Variants in APBB2 observed in about 807,000 individuals in gnomAD.
The protein encoded by APBB2 is amyloid beta precursor protein binding family B member 2, also known as Fe65-like 1.
In APBB2, 38 loss-of-function variants were observed where a neutral mutation model predicts 82.5. The observed-to-expected ratio is 0.46, with a 90% CI of 0.36 to 0.60. APBB2 has a LOEUF of 0.60. Among genes scored for constraint, APBB2 ranks in the 20% least tolerant of loss-of-function variants. APBB2 has a pLI of 0.00. For missense variants in APBB2, 772 were observed against 972.3 expected, an observed-to-expected ratio of 0.79 and a Z score of 2.74; for synonymous variants, 341 against 368.2, an observed-to-expected ratio of 0.93 and a Z score of 0.85.
intron 1 of APBB2, among the ~76,000 whole-genome samples, chr4:41,176,989 CAA>C (rs3058043): frequency 0.37 from 51,287 of 140,108 alleles, 9,363 homozygotes; most frequent in African/African-American, 0.5. Flanking sequence ...AATAGTGTAC[CAA>C]AAAAAAAAAA....
chr4:40,944,715 A>G (rs1255767544), intron 7 of APBB2, 150 bp downstream of exon 7: 3 of 733,834 alleles, frequency 4.1e-6, no homozygotes, highest in African/African-American at 3.5e-5. Context: ...CTATTTACTA[A>G]GAGGAAGCAT....
At chr4:41,038,233 A>G (rs565086926) in intron 4 of APBB2, among the ~76,000 whole-genome samples, 35 of 150,962 alleles carry the variant, frequency 2.3e-4, no homozygotes, top group African/African-American at 3.4e-4. Flanking sequence ...TAAATAAATA[A>G]ATAGATAAAT....
chr4:40,866,980 T>C (rs938401020), intron 12 of APBB2, among the ~76,000 whole-genome samples: 1 of 152,200 alleles, frequency 6.6e-6, no homozygotes, highest in Non-Finnish European at 1.5e-5. Flanking sequence ...GGTCTCGAAC[T>C]CCTGACCTCA....
At chr4:41,044,597 A>T (rs1722712768) in intron 4 of APBB2, among the ~76,000 whole-genome samples, 1 of 152,184 alleles carries the variant, frequency 6.6e-6, no homozygotes, top group South Asian at 2.1e-4. Context: ...TTATGTCTGA[A>T]GGTCAATTTT....
intron 5 of APBB2, among the ~76,000 whole-genome samples, chr4:41,028,445 T>C (rs751770352): frequency 1.4e-4 from 21 of 152,356 alleles, no homozygotes; most frequent in Non-Finnish European, 2.8e-4. Context: ...CTCTGTTTTC[T>C]CTTTTTCTTG....
intron 10 of APBB2, among the ~76,000 whole-genome samples, chr4:40,931,311 C>T (rs886148575): frequency 6.6e-6 from 1 of 152,190 alleles, no homozygotes; most frequent in Admixed American, 6.5e-5. Context: ...CAGCTCTGAA[C>T]TCATGGACTT....
intron 12 of APBB2, among the ~76,000 whole-genome samples, chr4:40,861,954 C>G (rs1762862659): frequency 6.6e-6 from 1 of 152,156 alleles, no homozygotes; most frequent in South Asian, 2.1e-4. Context: ...AATGAAATAT[C>G]CCAGTTTATT....
At chr4:41,174,545 C>T (rs969938157) in intron 1 of APBB2, among the ~76,000 whole-genome samples, 1 of 151,530 alleles carries the variant, frequency 6.6e-6, no homozygotes, top group African/African-American at 2.4e-5. Context: ...GCTAGTCTGC[C>T]AACTGTTTAT....
intron 6 of APBB2, among the ~76,000 whole-genome samples, chr4:41,005,373 C>A (rs1806410879): frequency 6.6e-6 from 1 of 152,148 alleles, no homozygotes; most frequent in Non-Finnish European, 1.5e-5. Flanking sequence ...CAGGCATGAG[C>A]CACAGCGCCT....
chr4:40,923,183 G>A (rs184790352), intron 10 of APBB2, among the ~76,000 whole-genome samples: 3 of 150,006 alleles, frequency 2.0e-5, no homozygotes, highest in Non-Finnish European at 3.0e-5. Flanking sequence ...CACCGTGTTA[G>A]CCAAGATGGT....
intron 5 of APBB2, among the ~76,000 whole-genome samples, chr4:41,015,676 T>A (rs974740506): frequency 6.6e-6 from 1 of 152,216 alleles, no homozygotes; most frequent in Non-Finnish European, 1.5e-5. Context: ...GCCATTTTTA[T>A]AACAGTATGA....
At chr4:40,914,306 G>T (rs1052911639) in intron 10 of APBB2, among the ~76,000 whole-genome samples, 1 of 152,004 alleles carries the variant, frequency 6.6e-6, no homozygotes, top group African/African-American at 2.4e-5. Flanking sequence ...CCGGGAGGCG[G>T]AGTTTGCAGG....
At chr4:41,110,717 T>A (rs147358802) in intron 2 of APBB2, among the ~76,000 whole-genome samples, 137 of 152,094 alleles carry the variant, frequency 9.0e-4, no homozygotes, top group African/African-American at 3.2e-3. Context: ...CCCCTTTGCA[T>A]CCCCTCTACT....
At chr4:40,945,094 G>GCGGGC in intron 6 of APBB2, 21 bp from the exon 7 acceptor site, 1 of 881,326 alleles carries the variant, frequency 1.1e-6, no homozygotes, top group Non-Finnish European at 1.7e-6. Context: ...GGGGGGCGGG[G>GCGGGC]CGGGGGGAGA....
intron 13 of APBB2, among the ~76,000 whole-genome samples, chr4:40,827,805 T>G (rs187461144): frequency 6.6e-6 from 1 of 152,332 alleles, no homozygotes; most frequent in African/African-American, 2.4e-5. Flanking sequence ...CATTAAGTGC[T>G]CAGAAATGTC....
intron 3 of APBB2, among the ~76,000 whole-genome samples, chr4:41,085,701 C>T (rs1055890658): frequency 6.6e-6 from 1 of 152,076 alleles, no homozygotes; most frequent in Non-Finnish European, 1.5e-5. Flanking sequence ...ATGGCAGAGA[C>T]ATTCAAGTTC....
chr4:41,165,191 C>T (rs368974984), intron 1 of APBB2, among the ~76,000 whole-genome samples: 2 of 146,656 alleles, frequency 1.4e-5, no homozygotes, highest in East Asian at 3.9e-4. Context: ...GCCATTGTAG[C>T]GGTGTAGCAA....
At chr4:41,086,036 T>A (rs10029116) in intron 3 of APBB2, among the ~76,000 whole-genome samples, 28,064 of 152,054 alleles carry the variant, frequency 0.18, 2,685 homozygotes, top group African/African-American at 0.23. Flanking sequence ...ATCAAAAGGA[T>A]TATAGGAGTA....
At chr4:41,165,876 T>C (rs1356853213) in intron 1 of APBB2, among the ~76,000 whole-genome samples, 1 of 149,212 alleles carries the variant, frequency 6.7e-6, no homozygotes, top group Non-Finnish European at 1.5e-5. Flanking sequence ...GGCCCCCTTT[T>C]TTTTTTTTTT....
Sources: allele counts gnomAD v4.1 joint callset (sites outside exome capture counted in the v4.1 genomes callset), GRCh38; gene constraint gnomAD v4.1.1; transcripts MANE v1.5; gene names NCBI Gene and HGNC (gene_info 2026-07-23, HGNC 2026-07-21).